TENM2: variants seen among roughly 807,000 people sequenced by gnomAD.
TENM2 encodes teneurin-2.
Under a neutral mutation model 245.2 loss-of-function variants are expected in TENM2, and 52 were observed. The ratio of observed to expected loss-of-function variants is 0.21; its 90% CI spans 0.17 to 0.27. TENM2 has a LOEUF of 0.27. Ranked by LOEUF, TENM2 falls within the 10% of genes least tolerant of loss-of-function variation. TENM2 has a pLI of 1.00. For missense variants in TENM2, 3,046 were observed against 3,666.8 expected, an observed-to-expected ratio of 0.83 and a Z score of 4.37; for synonymous variants, 1,363 against 1,438.9, an observed-to-expected ratio of 0.95 and a Z score of 1.19.
intron 4 of TENM2, among the ~76,000 whole-genome samples, chr5:167,983,024 T>C (rs1409657651): frequency 1.3e-5 from 2 of 152,130 alleles, no homozygotes; most frequent in Admixed American, 1.3e-4. Flanking sequence ...GAAATGGCTG[T>C]CTGGACACTC....
chr5:167,468,985 A>G (rs1166671620), intron 2 of TENM2, among the ~76,000 whole-genome samples: 8 of 152,194 alleles, frequency 5.3e-5, no homozygotes, highest in Non-Finnish European at 1.2e-4. Flanking sequence ...TTCCTGAATA[A>G]TGTGTAATTA....
At chr5:167,543,752 C>G (rs1232036897) in intron 2 of TENM2, among the ~76,000 whole-genome samples, 1 of 152,086 alleles carries the variant, frequency 6.6e-6, no homozygotes, top group African/African-American at 2.4e-5. Context: ...TTCTAGCTTA[C>G]GGTGATTTGC....
chr5:168,254,227 G>A (rs1453146207), intron 27 of TENM2, among the ~76,000 whole-genome samples: 1 of 152,236 alleles, frequency 6.6e-6, no homozygotes, highest in Non-Finnish European at 1.5e-5. Flanking sequence ...CACAGTGCCA[G>A]CTCCTGCCCA....
the TENM2 span, among the ~76,000 whole-genome samples, chr5:167,144,157 G>GA: frequency 4.6e-4 from 68 of 148,322 alleles, no homozygotes; most frequent in Middle Eastern, 3.5e-3. Flanking sequence ...TTTTAATTTT[G>GA]AAAAAAAAAA....
At chr5:166,989,460 A>G in the TENM2 span, among the ~76,000 whole-genome samples, 1 of 151,690 alleles carries the variant, frequency 6.6e-6, no homozygotes, top group South Asian at 2.1e-4. Flanking sequence ...GGGTTTCACC[A>G]TGTTCTCGAT....
rs950162347 is a variant in TENM2 at position 167,851,736 on chromosome 5, G to A, written c.503-24250G>A. 3.9e-5 allele frequency among the ~76,000 whole-genome samples: 6 copies of A among 152,168 alleles called. No homozygotes were observed. In the South Asian group the frequency reaches 6.2e-4, roughly 16 times the overall value. On this transcript the variant is annotated intron_variant, in intron 2 of 28. Coordinates refer to ENST00000518659, the Ensembl canonical transcript of TENM2. Reference sequence around the variant, plus strand: ...CTGCTGAGGACCGCCAGAGATTCCCGCAGCTCTCTTGTTTGGGAGGAAGAT... The same window carrying A: ...CTGCTGAGGACCGCCAGAGATTCCCACAGCTCTCTTGTTTGGGAGGAAGAT...
intron 4 of TENM2, among the ~76,000 whole-genome samples, chr5:167,972,801 A>G (rs1356345341): frequency 6.6e-6 from 1 of 152,170 alleles, no homozygotes; most frequent in Non-Finnish European, 1.5e-5. Context: ...TCAAGTAATA[A>G]TGTAATAAAT....
At chr5:167,194,440 A>G in the TENM2 span, among the ~76,000 whole-genome samples, 2 of 152,024 alleles carry the variant, frequency 1.3e-5, no homozygotes, top group African/African-American at 4.8e-5. Context: ...TGTACATCAA[A>G]GCTCATCTAA....
intron 2 of TENM2, among the ~76,000 whole-genome samples, chr5:167,543,726 A>T (rs1772368645): frequency 1.3e-5 from 2 of 152,122 alleles, no homozygotes; most frequent in African/African-American, 4.8e-5. Context: ...GTAAGAGAGA[A>T]TTCTTCCTTG....
rs191163225 is a variant in TENM2 at position 167,921,099 on chromosome 5, C to T, written c.713-31489C>T. Reference sequence around the variant, plus strand: ...TTAGGCCTTATATCAAATCAACCATCTAAGAAAATATATGATTTCACCATA... The same window carrying T: ...TTAGGCCTTATATCAAATCAACCATTTAAGAAAATATATGATTTCACCATA... On this transcript the variant is annotated intron_variant, in intron 3 of 28. Transcript: ENST00000518659. Among the ~76,000 whole-genome samples, 626 of 152,286 alleles carry T rather than the reference C, an allele frequency of 4.1e-3. 4 individuals carry two copies. Among genetic ancestry groups the T allele is most frequent in the African/African-American group, 0.014 (600 of 41,550 alleles).
intron 2 of TENM2, among the ~76,000 whole-genome samples, chr5:167,720,555 CCT>C (rs1759559074): frequency 6.6e-6 from 1 of 152,256 alleles, no homozygotes; most frequent in Middle Eastern, 3.4e-3. Flanking sequence ...TCTCCCCACC[CCT>C]GTTTGTAAGT....
At chr5:168,188,535 T>C (rs1301437451) in intron 13 of TENM2, among the ~76,000 whole-genome samples, 2 of 152,250 alleles carry the variant, frequency 1.3e-5, no homozygotes, top group Admixed American at 6.5e-5. Context: ...AGTCATTTTA[T>C]TCATTCAACA....
the TENM2 span, among the ~76,000 whole-genome samples, chr5:167,157,791 T>C: frequency 1.3e-5 from 2 of 152,244 alleles, no homozygotes; most frequent in African/African-American, 2.4e-5. Context: ...TCAATAGGAA[T>C]ACTTTTTTGT....
intron 12 of TENM2, among the ~76,000 whole-genome samples, chr5:168,140,202 C>T (rs530121535): frequency 4.5e-4 from 68 of 152,320 alleles, no homozygotes; most frequent in African/African-American, 1.6e-3. Flanking sequence ...CTCCAAGGAG[C>T]TCAAAAGACT....
At chr5:168,117,653 G>A (rs750225008) in intron 9 of TENM2, among the ~76,000 whole-genome samples, 9 of 152,128 alleles carry the variant, frequency 5.9e-5, no homozygotes, top group Admixed American at 1.3e-4. Flanking sequence ...AAGTGAAACC[G>A]CGGATACAGG....
intron 25 of TENM2, among the ~76,000 whole-genome samples, chr5:168,238,322 C>T (rs920728946): frequency 7.3e-6 from 1 of 136,550 alleles, no homozygotes; most frequent in Non-Finnish European, 1.6e-5. Flanking sequence ...AAGACTGACC[C>T]GGAAAGAAAA....
intron 4 of TENM2, among the ~76,000 whole-genome samples, chr5:167,982,449 G>T (rs1033004531): frequency 6.6e-6 from 1 of 152,192 alleles, no homozygotes. Context: ...CATTGCAGAG[G>T]TGGAGGCAAT....
At chr5:167,505,729 T>C (rs1769498109) in intron 2 of TENM2, among the ~76,000 whole-genome samples, 1 of 152,138 alleles carries the variant, frequency 6.6e-6, no homozygotes, top group African/African-American at 2.4e-5. Context: ...TTTGCCTCCA[T>C]GGAGTTAGGA....
intron 4 of TENM2, among the ~76,000 whole-genome samples, chr5:167,975,372 A>C (rs1782359876): frequency 6.6e-6 from 1 of 152,114 alleles, no homozygotes; most frequent in Admixed American, 6.5e-5. Context: ...GGGATGCTGC[A>C]GGGTCTGCCT....
Sources: allele counts gnomAD v4.1 joint callset (sites outside exome capture counted in the v4.1 genomes callset), GRCh38; gene constraint gnomAD v4.1.1; transcripts MANE v1.5; gene names NCBI Gene and HGNC (gene_info 2026-07-23, HGNC 2026-07-21).